Variants in ITPR2 observed in about 807,000 individuals in gnomAD.
ITPR2 encodes the protein inositol 1,4,5-trisphosphate-gated calcium channel ITPR2.
A neutral mutation model predicts 317.1 loss-of-function variants in ITPR2; 207 were observed. That is an observed-to-expected ratio of 0.65 (90% CI 0.58 to 0.73). ITPR2 has a LOEUF of 0.73. Ranked by LOEUF, ITPR2 falls within the 30% of genes least tolerant of loss-of-function variation. The probability of loss-of-function intolerance (pLI) is 0.00; values close to 1 mark genes in which losing one functional copy is unlikely to be tolerated. For missense variants in ITPR2, 2,613 were observed against 3,284.0 expected, an observed-to-expected ratio of 0.80 and a Z score of 4.99; for synonymous variants, 1,156 against 1,149.1, an observed-to-expected ratio of 1.01 and a Z score of -0.12.
At chr12:26,759,785 C>T (rs1006501310) in intron 2 of ITPR2, among the ~76,000 whole-genome samples, 2 of 152,186 alleles carry the variant, frequency 1.3e-5, no homozygotes, top group African/African-American at 2.4e-5. Flanking sequence ...GACAACTCTT[C>T]GGCTAAGCCC....
chr12:26,608,299 T>A (rs1946184844), intron 26 of ITPR2, among the ~76,000 whole-genome samples: 1 of 152,190 alleles, frequency 6.6e-6, no homozygotes, highest in Non-Finnish European at 1.5e-5. Context: ...GGGTGCAGCA[T>A]CTTTGCTTAG....
intron 38 of ITPR2, among the ~76,000 whole-genome samples, 188 bp downstream of exon 38, chr12:26,494,963 CA>C (rs1249241564): frequency 2.0e-5 from 3 of 151,956 alleles, no homozygotes; most frequent in African/African-American, 7.3e-5. Context: ...TTTCCAAGGT[CA>C]AAAAGCAAAA....
chr12:26,389,666 T>C (rs1302359113), intron 54 of ITPR2, among the ~76,000 whole-genome samples: 1 of 152,228 alleles, frequency 6.6e-6, no homozygotes, highest in Non-Finnish European at 1.5e-5. Flanking sequence ...TTTAAAAATA[T>C]AACCCTTCTG....
intron 2 of ITPR2, among the ~76,000 whole-genome samples, chr12:26,755,233 C>T (rs939172647): frequency 2.0e-5 from 3 of 152,096 alleles, no homozygotes; most frequent in African/African-American, 7.2e-5. Context: ...TTTTGTCATC[C>T]ACAAACAACT....
chr12:26,456,531 T>G (rs1417637430), intron 45 of ITPR2, among the ~76,000 whole-genome samples: 1 of 152,232 alleles, frequency 6.6e-6, no homozygotes, highest in Non-Finnish European at 1.5e-5. Context: ...GGTGCTGCTC[T>G]GTTTATGGAG....
chr12:26,502,631 AAGCT>A (rs1943095187), intron 37 of ITPR2, among the ~76,000 whole-genome samples: 1 of 152,188 alleles, frequency 6.6e-6, no homozygotes, highest in African/African-American at 2.4e-5. Flanking sequence ...GGTAATTTCA[AAGCT>A]TCTGCAAAGA....
chr12:26,538,889 A>T (rs1031602883), intron 37 of ITPR2, among the ~76,000 whole-genome samples: 2 of 152,140 alleles, frequency 1.3e-5, no homozygotes, highest in Admixed American at 1.3e-4. Context: ...TGTGATTCTT[A>T]CCAGGTCATT....
chr12:26,487,251 A>T lies in ITPR2; in HGVS notation c.5371T>A (p.Tyr1791Asn), dbSNP rs371076368. Residue 1791 changes from tyrosine (Y) to asparagine (N), a missense_variant and splice_region_variant, in exon 40 of 57, where the codon TAT becomes AAT. Around this residue, in one of 9 missense-constraint regions of ITPR2, gnomAD observed 926 missense variants for 1,072.8 expected, o/e 0.86. Coordinates refer to ENST00000381340, the MANE Select transcript of ITPR2 (RefSeq NM_002223.4). Reference protein sequence around the residue: ...LLEGGNTQTQYSFYQQLHEQK... With the variant: ...LLEGGNTQTQNSFYQQLHEQK... ...TCATGCAACTGCTGGTAGAAAGAAT[A>T]CTGCAAGAAAACATATTTTAAGACA... 11 of 1,587,320 alleles carry T rather than the reference A, an allele frequency of 6.9e-6. No homozygotes were observed. In the African/African-American group the frequency reaches 1.4e-4, roughly 20 times the overall value.
At chr12:26,723,085 T>A (rs891343153) in intron 4 of ITPR2, among the ~76,000 whole-genome samples, 1 of 152,052 alleles carries the variant, frequency 6.6e-6, no homozygotes, top group Non-Finnish European at 1.5e-5. Context: ...CCCTACCCCC[T>A]CCCAGATGAG....
chr12:26,653,196 T>C (rs2136895219), intron 21 of ITPR2, among the ~76,000 whole-genome samples: 2 of 151,238 alleles, frequency 1.3e-5, no homozygotes, highest in South Asian at 2.1e-4. Flanking sequence ...TGGCATTCAC[T>C]CCTTCTCTGG....
intron 26 of ITPR2, among the ~76,000 whole-genome samples, chr12:26,613,486 C>G (rs1946315475): frequency 6.6e-6 from 1 of 152,068 alleles, no homozygotes; most frequent in Admixed American, 6.6e-5. Context: ...TAATCAAGCA[C>G]TAGACTCATT....
intron 54 of ITPR2, among the ~76,000 whole-genome samples, chr12:26,392,554 G>C (rs1939882392): frequency 6.6e-6 from 1 of 152,036 alleles, no homozygotes; most frequent in African/African-American, 2.4e-5. Flanking sequence ...ACTCATTTTT[G>C]CATTACCAGC....
chr12:26,670,694 G>GA (rs1947746986), intron 13 of ITPR2, among the ~76,000 whole-genome samples: 1 of 152,218 alleles, frequency 6.6e-6, no homozygotes, highest in African/African-American at 2.4e-5. Flanking sequence ...AACAAAGCTG[G>GA]ACGGATAATG....
In ITPR2 at chr12:26,396,421, C is replaced by T. The variant is rs562458549; in HGVS notation, c.7696+2455G>A. Among the ~76,000 whole-genome samples, 60 of 152,234 alleles carry T rather than the reference C, an allele frequency of 3.9e-4. No individual in the cohort carries two copies. The South Asian group carries it at 0.012, about 31-fold the overall frequency. ...TAGGTCATGTTACTGGCCTTCTCTG[C>T]TTGGGCAGAGTTGATAACGAATTCA... On this transcript the variant is annotated intron_variant, in intron 54 of 56. Transcript: ENST00000381340.
chr12:26,705,379 T>C (rs1443989464), intron 9 of ITPR2, among the ~76,000 whole-genome samples: 1 of 152,228 alleles, frequency 6.6e-6, no homozygotes, highest in Non-Finnish European at 1.5e-5. Flanking sequence ...CCTTCCTTGC[T>C]TGGTATTTGT....
At chr12:26,651,487 G>A (rs1947253666) in intron 21 of ITPR2, among the ~76,000 whole-genome samples, 1 of 151,936 alleles carries the variant, frequency 6.6e-6, no homozygotes, top group Non-Finnish European at 1.5e-5. Context: ...TTCTTCTTGG[G>A]TTTTGGTCCA....
chr12:26,382,517 T>G (rs1359320250), intron 55 of ITPR2, among the ~76,000 whole-genome samples: 1 of 151,972 alleles, frequency 6.6e-6, no homozygotes, highest in East Asian at 1.9e-4. Context: ...ATACAAAAAT[T>G]AGCAAGGTGT....
intron 1 of ITPR2, among the ~76,000 whole-genome samples, chr12:26,821,565 C>T (rs1349147815): frequency 6.6e-6 from 1 of 152,194 alleles, no homozygotes; most frequent in Non-Finnish European, 1.5e-5. Context: ...GGAGCTCCTC[C>T]AGTATTCTCA....
Position 26,701,676 on chromosome 12 carries a change from A to T in ITPR2, c.952-6026T>A, listed in dbSNP as rs183959577. 8.5e-5 allele frequency among the ~76,000 whole-genome samples: 13 copies of T among 152,330 alleles called. No individual in the cohort carries two copies. In the East Asian group the frequency reaches 2.3e-3, roughly 27 times the overall value. Reference sequence around the variant, plus strand: ...ATTTGAGAGAGAACTAAACATAGAGACATTTAAAACTACAGCCCCAATAGT... The same window carrying T: ...ATTTGAGAGAGAACTAAACATAGAGTCATTTAAAACTACAGCCCCAATAGT... On this transcript the variant is annotated intron_variant, in intron 9 of 56. Coordinates refer to ENST00000381340, the MANE Select transcript of ITPR2 (RefSeq NM_002223.4).
Sources: allele counts gnomAD v4.1 joint callset (sites outside exome capture counted in the v4.1 genomes callset), GRCh38; gene constraint gnomAD v4.1.1; regional missense constraint gnomAD v4.1.1; transcripts MANE v1.5; gene names NCBI Gene and HGNC (gene_info 2026-07-23, HGNC 2026-07-21).